USP13: variants seen among roughly 807,000 people sequenced by gnomAD.
The protein encoded by USP13 is ubiquitin carboxyl-terminal hydrolase 13.
A neutral mutation model predicts 107.8 loss-of-function variants in USP13; 68 were observed. The ratio of observed to expected loss-of-function variants is 0.63; its 90% CI spans 0.52 to 0.77. The LOEUF is 0.77. USP13 is among the 30% of genes least tolerant of loss of function. The pLI, the probability that USP13 is intolerant of heterozygous loss-of-function variation, is 0.00. For missense variants in USP13, 945 were observed against 1,093.3 expected (o/e 0.86, Z 1.91); for synonymous variants, 377 against 389.5 (o/e 0.97, Z 0.38).
chr3:179,665,490 G>T (rs1299300455), intron 1 of USP13, among the ~76,000 whole-genome samples: 1 of 152,204 alleles, frequency 6.6e-6, no homozygotes, highest in Non-Finnish European at 1.5e-5. Flanking sequence ...TAGGTAATTT[G>T]TTCAAGGATT....
Position 179,787,077 on chromosome 3 carries a change from T to C in USP13, c.*2936T>C, listed in dbSNP as rs1715933119. 1 of 152,222 alleles carries C rather than the reference T, an allele frequency of 6.6e-6. No individual in the cohort carries two copies. 9.4% of individuals were successfully genotyped at this position (152,222 alleles called of 1,614,324 possible). The stretch of plus-strand genomic sequence containing the variant: ...GACTATTGGAAGAATCATGTGTTAG[T>C]GACACTTTACATCAACGTTGCTTCA... On this transcript the variant is annotated 3_prime_UTR_variant, in exon 21 of 21. Transcript: ENST00000263966.
chr3:179,742,960 A>G lies in USP13; in HGVS notation c.1534+610A>G, dbSNP rs925915150. On this transcript the variant is annotated intron_variant, in intron 12 of 20. Coordinates refer to ENST00000263966, the MANE Select transcript of USP13 (RefSeq NM_003940.3). This position sits in a 1 kb window ranked among gnomAD's most constrained non-coding sequence, Gnocchi z 5.0. Reference sequence around the variant, plus strand: ...CTGGTTCTTCCTAGGCAGAATAGACAAATGGCATTTCTTCGAATTAACATC... The same window carrying G: ...CTGGTTCTTCCTAGGCAGAATAGACGAATGGCATTTCTTCGAATTAACATC... Among the ~76,000 whole-genome samples, 1 of 152,234 alleles carries G rather than the reference A, an allele frequency of 6.6e-6. No homozygotes were observed. Among genetic ancestry groups the G allele is most frequent in the African/African-American group, 2.4e-5 (1 of 41,464 alleles).
chr3:179,704,002 C>T lies in USP13; in HGVS notation c.477+2873C>T, dbSNP rs568582330. Among the ~76,000 whole-genome samples the T allele has an allele frequency of 2.0e-3, 299 of 152,256 alleles. 2 individuals are homozygous for T. The highest frequency in any genetic ancestry group is 6.9e-3 in the African/African-American group (287 of 41,554). On this transcript the variant is annotated intron_variant, in intron 4 of 20. Coordinates refer to ENST00000263966, the MANE Select transcript of USP13 (RefSeq NM_003940.3). ...AGTGCAGAACTGAACTGGAGGCTTA[C>T]AAAGGCATGGGATGGAGCCAGGACT...
rs1489651748 is a variant in USP13 at position 179,742,221 on chromosome 3, C to T, written c.1405C>T (p.Pro469Ser). The change falls in exon 12 of 21, where the codon CCA becomes TCA. Residue 469 changes from proline (P) to serine (S), a missense_variant. Coordinates refer to ENST00000263966, the MANE Select transcript of USP13 (RefSeq NM_003940.3). This position sits in a 1 kb window ranked among gnomAD's most constrained non-coding sequence, Gnocchi z 5.0. ...VERNRIGSENPSDVFRFLVEE... is the reference protein window; with the variant it reads ...VERNRIGSENSSDVFRFLVEE... ...GAGGAACCGCATCGGCTCAGAAAAC[C>T]CAAGCGATGTTTTTCGTTTTTTGGT... The T allele has an allele frequency of 1.2e-6, 2 of 1,614,048 alleles. No individual in the cohort carries two copies. Among genetic ancestry groups the T allele is most frequent in the Non-Finnish European group, 1.7e-6 (2 of 1,180,052 alleles).
At chr3:179,749,442 A>C (rs926640823) in intron 13 of USP13, among the ~76,000 whole-genome samples, 10 of 152,244 alleles carry the variant, frequency 6.6e-5, no homozygotes, top group African/African-American at 2.4e-4. Context: ...AATTCCAGAA[A>C]TTAATTTTAG....
chr3:179,744,377 C>T (rs540498304), intron 12 of USP13, among the ~76,000 whole-genome samples: 33 of 149,526 alleles, frequency 2.2e-4, no homozygotes, highest in Non-Finnish European at 3.7e-4. Flanking sequence ...TTTTTTCTGC[C>T]TTTGGTTATT....
chr3:179,777,564 C>T (rs1278583763), intron 19 of USP13, among the ~76,000 whole-genome samples: 3 of 151,476 alleles, frequency 2.0e-5, no homozygotes, highest in Non-Finnish European at 1.5e-5. Flanking sequence ...GCAATTCTCC[C>T]ACCTCCGTCT....
intron 3 of USP13, among the ~76,000 whole-genome samples, chr3:179,691,790 T>C (rs957443693): frequency 1.3e-5 from 2 of 152,212 alleles, no homozygotes; most frequent in African/African-American, 4.8e-5. Flanking sequence ...AAATTTCCCT[T>C]ATTGGAAGGG....
intron 20 of USP13, among the ~76,000 whole-genome samples, chr3:179,782,328 GGTAACCT>G (rs1305689843): frequency 6.6e-6 from 1 of 152,138 alleles, no homozygotes; most frequent in African/African-American, 2.4e-5. Flanking sequence ...GATGTAACTG[GGTAACCT>G]GTGTTTTATC....
chr3:179,709,248 CTGT>C (rs1276330937), intron 6 of USP13, among the ~76,000 whole-genome samples: 3 of 152,156 alleles, frequency 2.0e-5, no homozygotes, highest in South Asian at 2.1e-4. Context: ...CAAGTTGCTG[CTGT>C]TGTTATTATC....
rs371132750 is a variant in USP13, at chr3:179,742,161, C to A, written c.1381-36C>A. The A allele has an allele frequency of 1.1e-4, 175 of 1,613,002 alleles. No individual in the cohort carries two copies. The highest frequency in any genetic ancestry group is 1.6e-4 in the Middle Eastern group (1 of 6,080). On this transcript the variant is annotated intron_variant, in intron 11 of 20. Transcript: ENST00000263966. The surrounding 1 kb of genome is among the most constrained non-coding windows in gnomAD (Gnocchi z 5.0). ...TACTAAGTCTTAGTGGCTCAATATT[C>A]ATACATTTACTAACCTGATACAATC...
At chr3:179,683,733 T>A (rs994183954) in intron 2 of USP13, among the ~76,000 whole-genome samples, 23 of 152,160 alleles carry the variant, frequency 1.5e-4, no homozygotes, top group Non-Finnish European at 2.9e-5. Flanking sequence ...GAGATTTGAG[T>A]GGGGACACAG....
intron 1 of USP13, among the ~76,000 whole-genome samples, chr3:179,663,323 T>C (rs187535049): frequency 4.1e-4 from 63 of 152,350 alleles, no homozygotes; most frequent in Non-Finnish European, 6.8e-4. Flanking sequence ...TTTTCTTCCT[T>C]TGTAAGGCAG....
At chr3:179,664,474 G>A (rs1044706230) in intron 1 of USP13, among the ~76,000 whole-genome samples, 13 of 152,262 alleles carry the variant, frequency 8.5e-5, no homozygotes, top group Admixed American at 1.3e-4. Flanking sequence ...AAAGTGTCTC[G>A]AGTACTTGCT....
At chr3:179,700,749 A>G (rs1712487821) in intron 3 of USP13, among the ~76,000 whole-genome samples, 3 of 152,186 alleles carry the variant, frequency 2.0e-5, no homozygotes, top group Admixed American at 2.0e-4. Flanking sequence ...ACATTTGTCT[A>G]TTTTAACTGT....
Position 179,659,011 on chromosome 3 carries a change from G to GC in USP13, c.168+5622dup, listed in dbSNP as rs1720374698. ...GATATGATACTCAGCATAAATGGTT[G>GC]CCCCTTACTCCCACCTCTTCTTCCC... On this transcript the variant is annotated intron_variant, in intron 1 of 20. Coordinates refer to ENST00000263966, the MANE Select transcript of USP13 (RefSeq NM_003940.3). Among the ~76,000 whole-genome samples, 5 of 152,320 alleles carry GC rather than the reference G, an allele frequency of 3.3e-5. No individual in the cohort carries two copies. The South Asian group carries it at 1.0e-3, about 32-fold the overall frequency.
At chr3:179,777,281 C>T (rs1409199266) in intron 19 of USP13, among the ~76,000 whole-genome samples, 1 of 151,822 alleles carries the variant, frequency 6.6e-6, no homozygotes, top group Non-Finnish European at 1.5e-5. Flanking sequence ...TTTTGTCAAC[C>T]CATTGGCTGT....
chr3:179,750,733 C>T (rs576529376), intron 13 of USP13, among the ~76,000 whole-genome samples: 109 of 152,160 alleles, frequency 7.2e-4, no homozygotes, highest in Non-Finnish European at 1.1e-3. Flanking sequence ...CTTTCTAGTG[C>T]GCCAAGCGGT....
chr3:179,659,706 A>G (rs141541985), intron 1 of USP13, among the ~76,000 whole-genome samples: 3 of 152,170 alleles, frequency 2.0e-5, no homozygotes, highest in African/African-American at 7.2e-5. Flanking sequence ...GAGAGCTGGG[A>G]TGTGAATCTG....
Sources: allele counts gnomAD v4.1 joint callset (sites outside exome capture counted in the v4.1 genomes callset), GRCh38; gene constraint gnomAD v4.1.1; non-coding constraint Gnocchi (gnomAD v3.1); transcripts MANE v1.5; gene names NCBI Gene and HGNC (gene_info 2026-07-23, HGNC 2026-07-21).